Variants in MAP2K3 observed in about 807,000 individuals in gnomAD.
The protein encoded by MAP2K3 is mitogen-activated protein kinase kinase 3.
A neutral mutation model predicts 46.4 loss-of-function variants in MAP2K3; 30 were observed. The ratio of observed to expected loss-of-function variants is 0.65; its 90% CI spans 0.48 to 0.88. The LOEUF (loss-of-function observed/expected upper bound fraction) is 0.88. MAP2K3 is among the 40% of genes least tolerant of loss of function. The pLI is 0.00. For synonymous variants in MAP2K3, 189 were observed against 176.3 expected, an observed-to-expected ratio of 1.07 and a Z score of -0.57; for missense variants, 380 against 464.5, an observed-to-expected ratio of 0.82 and a Z score of 1.67.
chr17:21,313,137 C>T, intron 10 of MAP2K3, among the ~76,000 whole-genome samples: 1 of 152,206 alleles, frequency 6.6e-6, no homozygotes, highest in Non-Finnish European at 1.5e-5. Context: ...TGTGGACTAA[C>T]TTCTCCCAGA....
intron 1 of MAP2K3, among the ~76,000 whole-genome samples, chr17:21,290,815 G>A (rs1464349176): frequency 6.6e-6 from 1 of 152,308 alleles, no homozygotes; most frequent in Non-Finnish European, 1.5e-5. Flanking sequence ...GCTGGGCATG[G>A]TGGCACACGT....
At chr17:21,301,053 C>T (rs1976571592) in intron 5 of MAP2K3, 60 bp downstream of exon 5, 1 of 1,612,452 alleles carries the variant, frequency 6.2e-7, no homozygotes, top group South Asian at 1.1e-5. Flanking sequence ...TCGCCTGCAA[C>T]CCACTGTCAC....
At chr17:21,291,859 T>A (rs1975957203) in intron 1 of MAP2K3, 3 of 335,098 alleles carry the variant, frequency 9.0e-6, no homozygotes, top group Non-Finnish European at 1.8e-5. Flanking sequence ...GGCTTTGTCT[T>A]TACAACTCCG....
chr17:21,291,567 T>A (rs1348349855), intron 1 of MAP2K3: 1 of 456,538 alleles, frequency 2.2e-6, no homozygotes, highest in East Asian at 6.9e-5. Flanking sequence ...ATTCTTCTGA[T>A]GCTCTGGGAG....
intron 1 of MAP2K3, among the ~76,000 whole-genome samples, chr17:21,290,286 C>A (rs1217905926): frequency 2.0e-5 from 3 of 152,152 alleles, no homozygotes; most frequent in Non-Finnish European, 2.9e-5. Context: ...ACGTTGGAGG[C>A]CTGCCCAGGA....
intron 1 of MAP2K3, among the ~76,000 whole-genome samples, chr17:21,290,944 T>G (rs1975886536): frequency 6.6e-6 from 1 of 152,242 alleles, no homozygotes; most frequent in East Asian, 1.9e-4. Flanking sequence ...CCTGTCTGTT[T>G]AAAAAAAATA....
intron 1 of MAP2K3, among the ~76,000 whole-genome samples, chr17:21,290,291 C>T (rs1975850826): frequency 6.6e-6 from 1 of 152,146 alleles, no homozygotes; most frequent in South Asian, 2.1e-4. Context: ...GGAGGCCTGC[C>T]CAGGACGGCT....
Position 21,304,476 on chromosome 17 carries a change from T to C in MAP2K3, c.619T>C (p.Cys207Arg). ...LINKEGHVKMCDFGISGYLVD... is the reference protein window; with the variant it reads ...LINKEGHVKMRDFGISGYLVD... ...CAACAAGGAGGGCCATGTGAAGATG[T>C]GTGACTTTGGCATCAGTGGCTACTT... The change falls in exon 8 of 12, where the codon TGT (cysteine) becomes CGT (arginine). Residue 207 changes from cysteine (C) to arginine (R), a missense_variant. Physicochemically the swap from Cys to Arg is radical, Grantham distance 180. Transcript: ENST00000342679. 1.2e-6 allele frequency: 2 copies of C among 1,614,320 alleles called. No homozygotes were observed.
At chr17:21,285,060 C>A (rs1192085937) in intron 1 of MAP2K3, 91 bp downstream of exon 1, 2 of 1,502,978 alleles carry the variant, frequency 1.3e-6, no homozygotes, top group Non-Finnish European at 1.8e-6. Context: ...CCCACCCCAT[C>A]CTGTTCTCGA....
At chr17:21,299,702 G>T (rs547086701) in intron 3 of MAP2K3, among the ~76,000 whole-genome samples, 7 of 24,716 alleles carry the variant, frequency 2.8e-4, no homozygotes, top group South Asian at 1.2e-3. Flanking sequence ...AAAAAAAAGA[G>T]CTGGGCACGG....
At chr17:21,292,335 G>C (rs1218228037) in intron 1 of MAP2K3, among the ~76,000 whole-genome samples, 1 of 152,290 alleles carries the variant, frequency 6.6e-6, no homozygotes, top group Non-Finnish European at 1.5e-5. Flanking sequence ...GCAGTCTCTT[G>C]TTTCTCCTCG....
chr17:21,284,809 G>C lies in MAP2K3; in HGVS notation c.-112G>C. 1 of 1,245,646 alleles carries C rather than the reference G, an allele frequency of 8.0e-7. No homozygotes were observed. The highest frequency in any genetic ancestry group is 1.1e-6 in the Non-Finnish European group (1 of 929,744). The allele number at this position is 1,245,646 out of a possible 1,614,324, so 77.2% of individuals were successfully genotyped here. On this transcript the variant is annotated 5_prime_UTR_variant, in exon 1 of 12. Transcript: ENST00000342679. The stretch of plus-strand genomic sequence containing the variant: ...CGCCGCCGCCGCCGCCGCCGCCGCT[G>C]CTCCTCCGCCTGGCCTGGGCCGTCT...
intron 7 of MAP2K3, 133 bp from the exon 8 acceptor site, chr17:21,304,293 C>A (rs903615528): frequency 5.2e-4 from 795 of 1,523,032 alleles, no homozygotes; most frequent in Middle Eastern, 1.4e-3. Flanking sequence ...CCTGGTGCAA[C>A]CTGCCCACTG....
intron 1 of MAP2K3, chr17:21,296,084 A>G (rs1426036478): frequency 1.6e-6 from 2 of 1,289,406 alleles, no homozygotes; most frequent in South Asian, 2.5e-5. Context: ...TCACCTCTGC[A>G]GAGAGGCTGG....
At chr17:21,290,908 C>T (rs1332117878) in intron 1 of MAP2K3, among the ~76,000 whole-genome samples, 5 of 152,306 alleles carry the variant, frequency 3.3e-5, no homozygotes, top group Non-Finnish European at 7.3e-5. Flanking sequence ...TGCCACAGCA[C>T]TCCAGCCTGG....
chr17:21,297,423 C>G (rs1976319339), intron 1 of MAP2K3, among the ~76,000 whole-genome samples: 1 of 152,310 alleles, frequency 6.6e-6, no homozygotes, highest in Non-Finnish European at 1.5e-5. Flanking sequence ...GAAGCTCCCA[C>G]AAGGGCAGGC....
intron 3 of MAP2K3, among the ~76,000 whole-genome samples, chr17:21,300,250 G>A (rs1238832729): frequency 3.3e-5 from 5 of 152,310 alleles, no homozygotes; most frequent in African/African-American, 7.2e-5. Context: ...CGGGAAAAGA[G>A]GGACAGGGCA....
chr17:21,301,049 G>T, intron 5 of MAP2K3, 56 bp downstream of exon 5: 1 of 1,612,594 alleles, frequency 6.2e-7, no homozygotes, highest in Non-Finnish European at 8.5e-7. Context: ...TCAGTCGCCT[G>T]CAACCCACTG....
intron 3 of MAP2K3, among the ~76,000 whole-genome samples, chr17:21,299,715 G>C (rs532351441): frequency 6.2e-4 from 71 of 113,618 alleles, no homozygotes; most frequent in African/African-American, 2.2e-3. Flanking sequence ...GGGCACGGTG[G>C]CTCACGCCTG....
Sources: gnomAD v4.1 joint callset for allele counts (sites outside exome capture counted in the v4.1 genomes callset) on GRCh38, gnomAD v4.1.1 for gene constraint, MANE v1.5 for transcripts, NCBI Gene and HGNC (gene_info 2026-07-23, HGNC 2026-07-21) for gene names.